The following STXBP5L variants were observed in gnomAD, a reference collection of about 807,000 sequenced individuals.
The protein encoded by STXBP5L is syntaxin binding protein 5L, also known as syntaxin-binding protein 5-like.
In STXBP5L, 65 loss-of-function variants were observed where a neutral mutation model predicts 144.5. That is an observed-to-expected ratio of 0.45 (90% confidence interval 0.37 to 0.55). STXBP5L has a LOEUF of 0.55. STXBP5L is among the 20% of genes least tolerant of loss of function. The pLI is 0.00. For synonymous variants in STXBP5L, 505 were observed against 469.6 expected (o/e 1.08, Z -0.97); for missense variants, 1,298 against 1,405.5 (o/e 0.92, Z 1.22).
At chr3:121,005,684 C>T (rs1271943977) in intron 3 of STXBP5L, among the ~76,000 whole-genome samples, 9 of 152,126 alleles carry the variant, frequency 5.9e-5, no homozygotes, top group Middle Eastern at 3.4e-3. Flanking sequence ...CTCTTGTGGG[C>T]GTTTAGTGCT....
In STXBP5L at chr3:121,250,783, A is replaced by T. The variant is rs1232585141; in HGVS notation, c.1441+20A>T. On this transcript the variant is annotated intron_variant, in intron 15 of 26. Coordinates refer to ENST00000471454, the MANE Select transcript of STXBP5L (RefSeq NM_001308330.2). Reference sequence around the variant, plus strand: ...CTGCAAGTAAGTTTCAAGTTTCTGTACAACAGAAACCAATTGGTTAATATT... The same window carrying T: ...CTGCAAGTAAGTTTCAAGTTTCTGTTCAACAGAAACCAATTGGTTAATATT... 1.2e-6 allele frequency: 2 copies of T among 1,602,368 alleles called. No individual in the cohort carries two copies. Among genetic ancestry groups the T allele is most frequent in the Non-Finnish European group, 8.5e-7 (1 of 1,172,534 alleles).
At chr3:121,188,995 A>G (rs576656682) in intron 9 of STXBP5L, among the ~76,000 whole-genome samples, 2 of 152,350 alleles carry the variant, frequency 1.3e-5, no homozygotes, top group South Asian at 2.1e-4. Flanking sequence ...AGGGTATTCA[A>G]TTAGGAAAAG....
chr3:121,349,956 A>T (rs1292444281), intron 20 of STXBP5L, among the ~76,000 whole-genome samples: 1 of 152,124 alleles, frequency 6.6e-6, no homozygotes, highest in Non-Finnish European at 1.5e-5. Context: ...TAGCCCATTT[A>T]CATTTAAGGT....
At chr3:121,018,660 A>T (rs1945316707) in intron 3 of STXBP5L, among the ~76,000 whole-genome samples, 1 of 152,170 alleles carries the variant, frequency 6.6e-6, no homozygotes, top group African/African-American at 2.4e-5. Flanking sequence ...AACCTAGGTG[A>T]TGTGGCTTTT....
At position 121,077,738 on chromosome 3, in the gene STXBP5L, G is replaced by T. The variant is rs554877736; in HGVS notation, c.470+32203G>T. Among the ~76,000 whole-genome samples, 5 of 152,080 alleles carry T rather than the reference G, an allele frequency of 3.3e-5. No individual in the cohort carries two copies. In the East Asian group the frequency reaches 5.8e-4, roughly 18 times the overall value. ...TACAATCCCTGAGCTAGACACAAAGGTTCTCCACGTCCCCACTAGATTAGC... is the reference window on the plus strand; with the variant it reads ...TACAATCCCTGAGCTAGACACAAAGTTTCTCCACGTCCCCACTAGATTAGC... On this transcript the variant is annotated intron_variant, in intron 5 of 26. Transcript: ENST00000471454.
chr3:121,348,352 G>A lies in STXBP5L; in HGVS notation c.2176+29812G>A, dbSNP rs1036963574. 6.6e-5 allele frequency among the ~76,000 whole-genome samples: 10 copies of A among 152,068 alleles called. 1 individual carries two copies. The highest frequency in any genetic ancestry group is 1.9e-4 in the East Asian group (1 of 5,192). ...AGGGTTTTGATGTGCTGCTGGATTC[G>A]GTTTGCCAGTATTTTATTGAGGATT... is the stretch of plus-strand genomic sequence containing the variant. On this transcript the variant is annotated intron_variant, in intron 20 of 26. Coordinates refer to ENST00000471454, the MANE Select transcript of STXBP5L (RefSeq NM_001308330.2).
chr3:121,345,186 T>G (rs1451302746), intron 20 of STXBP5L, among the ~76,000 whole-genome samples: 1 of 151,996 alleles, frequency 6.6e-6, no homozygotes, highest in African/African-American at 2.4e-5. Context: ...CAGGACCCCG[T>G]GTGTGATGTT....
intron 5 of STXBP5L, among the ~76,000 whole-genome samples, chr3:121,076,208 C>A (rs1474008363): frequency 6.6e-6 from 1 of 152,184 alleles, no homozygotes; most frequent in East Asian, 1.9e-4. Context: ...ACCTCATCCC[C>A]TTGGAGTTCC....
chr3:120,980,392 G>T (rs1941625280), intron 3 of STXBP5L, among the ~76,000 whole-genome samples: 1 of 149,910 alleles, frequency 6.7e-6, no homozygotes, highest in African/African-American at 2.4e-5. Flanking sequence ...GAATATGGGT[G>T]CTCTATGTAT....
rs567175142 is a variant in STXBP5L, at chr3:121,350,730, C to A, written c.2177-27986C>A. 3.6e-4 allele frequency among the ~76,000 whole-genome samples: 54 copies of A among 152,026 alleles called. 2 individuals carry two copies. The South Asian group carries it at 0.011, about 31-fold the overall frequency. On this transcript the variant is annotated intron_variant, in intron 20 of 26. Coordinates refer to ENST00000471454, the MANE Select transcript of STXBP5L (RefSeq NM_001308330.2). ...TCATTTGATCTTCAATCACTGATAC[C>A]CTTTCTTCCAGTTGATCGAATCAGC...
chr3:121,380,485 A>G (rs569991693), intron 21 of STXBP5L, among the ~76,000 whole-genome samples: 1 of 152,324 alleles, frequency 6.6e-6, no homozygotes, highest in African/African-American at 2.4e-5. Context: ...TGGAGAGATT[A>G]TAAGAGCAGG....
chr3:121,054,304 T>C (rs1365917966), intron 5 of STXBP5L, among the ~76,000 whole-genome samples: 3 of 152,082 alleles, frequency 2.0e-5, no homozygotes, highest in African/African-American at 4.8e-5. Flanking sequence ...ATGTTTATTG[T>C]GGCACTATTC....
At chr3:121,343,909 A>T (rs2044837434) in intron 20 of STXBP5L, among the ~76,000 whole-genome samples, 1 of 152,086 alleles carries the variant, frequency 6.6e-6, no homozygotes. Flanking sequence ...TTTAAAGTTC[A>T]TATGGAACCA....
chr3:121,219,722 TTTATGTATAA>T (rs1559878830), intron 10 of STXBP5L, among the ~76,000 whole-genome samples: 1 of 152,168 alleles, frequency 6.6e-6, no homozygotes, highest in East Asian at 1.9e-4. Flanking sequence ...ACTGATAGGC[TTTATGTATAA>T]TTAAGTTCTC....
chr3:121,077,474 CG>C (rs974951506), intron 5 of STXBP5L, among the ~76,000 whole-genome samples: 5 of 152,196 alleles, frequency 3.3e-5, no homozygotes, highest in African/African-American at 1.2e-4. Context: ...CAGACCTTCA[CG>C]GTGAGTGTTA....
At chr3:121,139,761 A>G (rs1264972088) in intron 7 of STXBP5L, among the ~76,000 whole-genome samples, 1 of 152,072 alleles carries the variant, frequency 6.6e-6, no homozygotes, top group Non-Finnish European at 1.5e-5. Context: ...AAGAGGGAGG[A>G]CAATGCAAAG....
intron 7 of STXBP5L, 80 bp downstream of exon 7, chr3:121,121,784 C>G (rs917392407): frequency 1.0e-6 from 1 of 984,774 alleles, no homozygotes; most frequent in African/African-American, 1.6e-5. Context: ...TATTTTATAT[C>G]TAGTATCTAG....
chr3:121,004,546 T>G (rs2108071342), intron 3 of STXBP5L, among the ~76,000 whole-genome samples: 1 of 152,056 alleles, frequency 6.6e-6, no homozygotes, highest in Middle Eastern at 3.4e-3. Context: ...CTTTATTTCC[T>G]TCTCCTGCCT....
At chr3:120,963,586 A>G (rs1939149706) in intron 3 of STXBP5L, among the ~76,000 whole-genome samples, 2 of 152,114 alleles carry the variant, frequency 1.3e-5, no homozygotes, top group Admixed American at 1.3e-4. Flanking sequence ...ATTGATTTGC[A>G]TATGTTGAAC....
Sources: gnomAD v4.1 joint callset for allele counts (sites outside exome capture counted in the v4.1 genomes callset) on GRCh38, gnomAD v4.1.1 for gene constraint, MANE v1.5 for transcripts, NCBI Gene and HGNC (gene_info 2026-07-23, HGNC 2026-07-21) for gene names.